CUBN: variants seen among roughly 807,000 people sequenced by gnomAD.
CUBN encodes the protein 460 kDa receptor.
A neutral mutation model predicts 405.3 loss-of-function variants in CUBN; 282 were observed. The ratio of observed to expected loss-of-function variants is 0.70; its 90% CI spans 0.63 to 0.77. The LOEUF (loss-of-function observed/expected upper bound fraction) is 0.77, where lower values mean the gene tolerates loss of function less well. CUBN is among the 30% of genes least tolerant of loss of function. The pLI is 0.00. For synonymous variants in CUBN, 1,684 were observed against 1,617.0 expected (o/e 1.04, Z -0.99); for missense variants, 4,514 against 4,475.2 (o/e 1.01, Z -0.25).
At chr10:17,016,638 G>C (rs1834335841) in intron 28 of CUBN, among the ~76,000 whole-genome samples, 1 of 152,062 alleles carries the variant, frequency 6.6e-6, no homozygotes, top group African/African-American at 2.4e-5. Flanking sequence ...ACCTGGGTTG[G>C]GCCAAATTCT....
chr10:17,002,268 G>A (rs1432746535), intron 28 of CUBN, among the ~76,000 whole-genome samples: 3 of 151,950 alleles, frequency 2.0e-5, no homozygotes, highest in African/African-American at 4.8e-5. Flanking sequence ...TTTGGTTTTT[G>A]TGTCATACGA....
intron 59 of CUBN, among the ~76,000 whole-genome samples, chr10:16,867,606 G>A (rs78550718): frequency 0.011 from 1,680 of 152,292 alleles, 11 homozygotes; most frequent in Non-Finnish European, 0.019. Context: ...TGAAAAAGAG[G>A]TAAAAATCAT....
intron 64 of CUBN, among the ~76,000 whole-genome samples, chr10:16,831,779 G>C (rs1445551001): frequency 6.6e-6 from 1 of 152,118 alleles, no homozygotes; most frequent in Non-Finnish European, 1.5e-5. Flanking sequence ...GGTGGAGATG[G>C]GCGGGGGCAA....
At chr10:16,957,775 T>C (rs951261536) in intron 31 of CUBN, among the ~76,000 whole-genome samples, 3 of 152,248 alleles carry the variant, frequency 2.0e-5, no homozygotes, top group African/African-American at 7.2e-5. Context: ...ATATCTGCAT[T>C]TCCTTGTTAA....
intron 58 of CUBN, 111 bp downstream of exon 58, chr10:16,874,262 AT>A: frequency 4.4e-6 from 5 of 1,138,648 alleles, no homozygotes; most frequent in Non-Finnish European, 5.3e-6. Context: ...CTCTGTGTAG[AT>A]TTCCCTCCAG....
At chr10:17,081,451 C>T (rs1168359807) in intron 17 of CUBN, among the ~76,000 whole-genome samples, 1 of 152,146 alleles carries the variant, frequency 6.6e-6, no homozygotes, top group East Asian at 1.9e-4. Context: ...CCCCTCTAAA[C>T]CACCAAAGTA....
chr10:17,071,739 T>A, intron 18 of CUBN, 88 bp downstream of exon 18: 1 of 1,514,850 alleles, frequency 6.6e-7, no homozygotes, highest in Non-Finnish European at 9.1e-7. Flanking sequence ...ACTTAACACT[T>A]GAGGACATAA....
chr10:17,000,045 C>A (rs1265975620), intron 28 of CUBN, among the ~76,000 whole-genome samples: 10 of 152,222 alleles, frequency 6.6e-5, no homozygotes, highest in Non-Finnish European at 1.2e-4. Context: ...ATGCTGCAGG[C>A]CCCTCGCAGG....
At chr10:16,850,268 C>T (rs1043964747) in intron 60 of CUBN, among the ~76,000 whole-genome samples, 5 of 152,190 alleles carry the variant, frequency 3.3e-5, no homozygotes, top group African/African-American at 1.2e-4. Flanking sequence ...TGTGTCATCC[C>T]ATAATTTTCT....
intron 31 of CUBN, among the ~76,000 whole-genome samples, chr10:16,977,871 C>T (rs1251959989): frequency 6.6e-6 from 1 of 152,258 alleles, no homozygotes; most frequent in Non-Finnish European, 1.5e-5. Context: ...AGATGAGACA[C>T]ACCCCTGTTG....
chr10:16,924,460 G>A (rs1842123782), intron 43 of CUBN, among the ~76,000 whole-genome samples: 1 of 152,036 alleles, frequency 6.6e-6, no homozygotes, highest in Admixed American at 6.6e-5. Context: ...AAACCATGTT[G>A]ACTTTAAATC....
At chr10:16,979,609 T>C (rs1003346054) in intron 31 of CUBN, among the ~76,000 whole-genome samples, 2 of 152,202 alleles carry the variant, frequency 1.3e-5, no homozygotes, top group African/African-American at 4.8e-5. Context: ...CCCTATTTAA[T>C]AAATGGTGTT....
intron 17 of CUBN, among the ~76,000 whole-genome samples, chr10:17,081,361 T>C (rs1835962583): frequency 1.3e-5 from 2 of 152,196 alleles, no homozygotes; most frequent in Non-Finnish European, 2.9e-5. Context: ...TAGAATTTCT[T>C]TTCTCTTCTC....
chr10:16,928,532 C>CCCTT (rs1403918589), intron 40 of CUBN, among the ~76,000 whole-genome samples: 187 of 107,078 alleles, frequency 1.7e-3, no homozygotes, highest in African/African-American at 3.2e-3. Flanking sequence ...CCACCCCCCC[C>CCCTT]TTTTTTTTTT....
chr10:16,894,291 C>G (rs1370785826), intron 54 of CUBN, among the ~76,000 whole-genome samples: 1 of 152,034 alleles, frequency 6.6e-6, no homozygotes, highest in Non-Finnish European at 1.5e-5. Flanking sequence ...TTGCCTATCT[C>G]CAGGTCCTGA....
At chr10:16,879,272 C>T (rs548942154) in intron 56 of CUBN, among the ~76,000 whole-genome samples, 29 of 152,260 alleles carry the variant, frequency 1.9e-4, no homozygotes, top group African/African-American at 5.1e-4. Flanking sequence ...GCATGCGAAA[C>T]GAAACTTCAT....
At chr10:17,036,368 G>A (rs1474745225) in intron 27 of CUBN, among the ~76,000 whole-genome samples, 1 of 152,182 alleles carries the variant, frequency 6.6e-6, no homozygotes, top group Non-Finnish European at 1.5e-5. Context: ...GAATGGATGG[G>A]AACAGTCAGG....
chr10:16,937,528 T>A lies in CUBN; in HGVS notation c.5926+64A>T, dbSNP rs1453531150. Reference sequence around the variant, plus strand: ...ATATCTGACCCCTGTTATGATAGGATCCTTTGAAACATTGGCCTGCACATA... The same window carrying A: ...ATATCTGACCCCTGTTATGATAGGAACCTTTGAAACATTGGCCTGCACATA... On this transcript the variant is annotated intron_variant, in intron 39 of 66. Coordinates refer to ENST00000377833, the MANE Select transcript of CUBN (RefSeq NM_001081.4). The A allele has an allele frequency of 2.2e-6, 3 of 1,381,572 alleles. No individual in the cohort carries two copies. In the African/African-American group the frequency reaches 4.3e-5, roughly 20 times the overall value. The allele number at this position is 1,381,572 out of a possible 1,614,324, so 85.6% of individuals were successfully genotyped here.
rs1348257475 is a variant in CUBN at position 16,865,274 on chromosome 10, TG to T, written c.9454+4361del. ...CGTGAGCCACCGTGCCCAGCCTACCTGAACATATTTATACATTTGTTGGACT... is the reference window on the plus strand; with the variant it reads ...CGTGAGCCACCGTGCCCAGCCTACCTAACATATTTATACATTTGTTGGACT... On this transcript the variant is annotated intron_variant, in intron 59 of 66. Transcript: ENST00000377833. Among the ~76,000 whole-genome samples, 42 of 152,122 alleles carry T rather than the reference TG, an allele frequency of 2.8e-4. 1 individual carries two copies. Among genetic ancestry groups the T allele is most frequent in the Non-Finnish European group, 3.1e-4 (21 of 68,006 alleles).
Sources: gnomAD v4.1 joint callset for allele counts (sites outside exome capture counted in the v4.1 genomes callset) on GRCh38, gnomAD v4.1.1 for gene constraint, MANE v1.5 for transcripts, NCBI Gene and HGNC (gene_info 2026-07-23, HGNC 2026-07-21) for gene names.